The following GLT1D1 variants were observed in gnomAD, a reference collection of about 807,000 sequenced individuals.
GLT1D1 encodes the protein glycosyltransferase 1 domain containing 1.
A neutral mutation model predicts 28.7 loss-of-function variants in GLT1D1; 21 were observed. The observed-to-expected ratio is 0.73, with a 90% CI of 0.52 to 1.05. GLT1D1 has a LOEUF of 1.05. Ranked by LOEUF, GLT1D1 falls within the 50% of genes least tolerant of loss-of-function variation. The pLI is 0.00. For synonymous variants in GLT1D1, 147 were observed against 124.8 expected (o/e 1.18, Z -1.19); for missense variants, 343 against 330.6 (o/e 1.04, Z -0.29).
intron 4 of GLT1D1, among the ~76,000 whole-genome samples, chr12:128,915,979 T>G (rs1306849702): frequency 7.9e-5 from 12 of 151,692 alleles, no homozygotes; most frequent in Non-Finnish European, 1.6e-4. Context: ...TAGATAACAT[T>G]TCCACCACTC....
chr12:128,908,347 C>CA (rs1266756389), intron 4 of GLT1D1, among the ~76,000 whole-genome samples: 1 of 105,414 alleles, frequency 9.5e-6, no homozygotes, highest in African/African-American at 3.2e-5. Context: ...TCTTTCTTTC[C>CA]CTTTCTTTCT....
chr12:128,922,288 C>T (rs1428582356), intron 4 of GLT1D1, among the ~76,000 whole-genome samples: 1 of 151,914 alleles, frequency 6.6e-6, no homozygotes, highest in Admixed American at 6.6e-5. Context: ...TATTATATTT[C>T]CTTTGTAATT....
At chr12:128,979,942 A>G (rs1171061183) in intron 7 of GLT1D1, among the ~76,000 whole-genome samples, 2 of 152,254 alleles carry the variant, frequency 1.3e-5, no homozygotes, top group Non-Finnish European at 2.9e-5. Context: ...TACTGAGAGT[A>G]AAAATAGAAC....
intron 7 of GLT1D1, among the ~76,000 whole-genome samples, chr12:128,968,808 C>T (rs1878741623): frequency 6.6e-6 from 1 of 152,086 alleles, no homozygotes; most frequent in South Asian, 2.1e-4. Context: ...GGGTCCCTTG[C>T]CTCGGGCCAC....
chr12:128,908,716 G>A (rs1056290563), intron 4 of GLT1D1, among the ~76,000 whole-genome samples: 8 of 151,948 alleles, frequency 5.3e-5, no homozygotes, highest in East Asian at 1.9e-4. Flanking sequence ...TTGGGAGGCC[G>A]AGGAGGGCGG....
intron 1 of GLT1D1, among the ~76,000 whole-genome samples, chr12:128,870,929 TG>T (rs1160963886): frequency 2.0e-5 from 3 of 152,138 alleles, no homozygotes; most frequent in African/African-American, 7.2e-5. Context: ...AGGCAGAGGT[TG>T]CAACGAGCTG....
chr12:128,949,117 A>G (rs1876428534), intron 6 of GLT1D1, among the ~76,000 whole-genome samples: 1 of 152,230 alleles, frequency 6.6e-6, no homozygotes, highest in Non-Finnish European at 1.5e-5. Context: ...AAAAGTGTAT[A>G]TGCTTATGGT....
intron 2 of GLT1D1, among the ~76,000 whole-genome samples, chr12:128,883,591 A>T (rs1397524414): frequency 1.8e-5 from 2 of 110,440 alleles, no homozygotes; most frequent in African/African-American, 6.0e-5. Context: ...CTCCATCTCA[A>T]AAAAAAAAAA....
chr12:128,937,509 C>T (rs1269671082), intron 4 of GLT1D1, among the ~76,000 whole-genome samples: 2 of 152,084 alleles, frequency 1.3e-5, no homozygotes, highest in African/African-American at 4.8e-5. Flanking sequence ...GAAAGTGTCT[C>T]AGAGAGGGGG....
intron 4 of GLT1D1, among the ~76,000 whole-genome samples, chr12:128,929,172 C>T (rs1295449019): frequency 6.6e-6 from 1 of 152,216 alleles, no homozygotes; most frequent in Non-Finnish European, 1.5e-5. Context: ...ATCTTTCCCG[C>T]ACCTCAGTGT....
intron 4 of GLT1D1, among the ~76,000 whole-genome samples, chr12:128,902,977 G>A (rs528070423): frequency 1.3e-5 from 2 of 150,014 alleles, no homozygotes; most frequent in Admixed American, 6.6e-5. Flanking sequence ...CCAGGAGGCC[G>A]AGGTTGAAGT....
chr12:128,951,298 G>C (rs1453642056), intron 6 of GLT1D1, among the ~76,000 whole-genome samples: 1 of 152,132 alleles, frequency 6.6e-6, no homozygotes, highest in African/African-American at 2.4e-5. Flanking sequence ...AGCTACTAGG[G>C]TGGCAGAGGC....
At chr12:128,912,965 A>T (rs1871700243) in intron 4 of GLT1D1, among the ~76,000 whole-genome samples, 1 of 152,206 alleles carries the variant, frequency 6.6e-6, no homozygotes, top group Non-Finnish European at 1.5e-5. Flanking sequence ...ATAAAAGATA[A>T]ATAGGAGAAA....
chr12:128,982,859 G>A, intron 7 of GLT1D1, 70 bp from the exon 12 acceptor site: 1 of 1,437,234 alleles, frequency 7.0e-7, no homozygotes, highest in Non-Finnish European at 9.7e-7. Context: ...GCAGACACAG[G>A]ATCTTGGGTG....
intron 7 of GLT1D1, among the ~76,000 whole-genome samples, chr12:128,969,237 G>T (rs1174713132): frequency 6.7e-6 from 1 of 149,674 alleles, no homozygotes; most frequent in African/African-American, 2.5e-5. Flanking sequence ...CTCTTCCTCT[G>T]TCTCTGTTTC....
chr12:128,874,586 G>C (rs527773299), intron 1 of GLT1D1, among the ~76,000 whole-genome samples: 1 of 149,926 alleles, frequency 6.7e-6, no homozygotes, highest in Non-Finnish European at 1.5e-5. Context: ...GGCTCAAGCA[G>C]TAGTCCCATC....
intron 4 of GLT1D1, among the ~76,000 whole-genome samples, chr12:128,909,970 A>G (rs1342641206): frequency 6.6e-6 from 1 of 152,262 alleles, no homozygotes; most frequent in East Asian, 1.9e-4. Flanking sequence ...GCTAATTTGT[A>G]TTTGTTACAC....
At chr12:128,906,801 G>T in intron 4 of GLT1D1, 2 of 567,504 alleles carry the variant, frequency 3.5e-6, no homozygotes, top group South Asian at 2.0e-5. Context: ...TGGCACTTGT[G>T]AAAGAAAAGT....
At chr12:128,958,974 A>ACT (rs1877611703) in intron 7 of GLT1D1, among the ~76,000 whole-genome samples, 1 of 150,562 alleles carries the variant, frequency 6.6e-6, no homozygotes, top group Non-Finnish European at 1.5e-5. Context: ...AGTAGCTGGG[A>ACT]CTACAGGCAT....
Sources: allele counts gnomAD v4.1 joint callset (sites outside exome capture counted in the v4.1 genomes callset), GRCh38; gene constraint gnomAD v4.1.1; transcripts MANE v1.5; gene names NCBI Gene and HGNC (gene_info 2026-07-23, HGNC 2026-07-21).